ZMIZ1: variants seen among roughly 807,000 people sequenced by gnomAD.
ZMIZ1 encodes zinc finger MIZ-type containing 1.
Under a neutral mutation model 113.9 loss-of-function variants are expected in ZMIZ1, and 17 were observed. The ratio of observed to expected loss-of-function variants is 0.15; its 90% CI spans 0.10 to 0.22. ZMIZ1 has a LOEUF of 0.22. ZMIZ1 is among the 10% of genes least tolerant of loss of function. ZMIZ1 has a pLI of 1.00. For synonymous variants in ZMIZ1, 607 were observed against 603.1 expected (o/e 1.01, Z -0.09); for missense variants, 1,059 against 1,477.8 (o/e 0.72, Z 4.65).
intron 2 of ZMIZ1, among the ~76,000 whole-genome samples, chr10:79,120,394 G>A (rs1191285974): frequency 1.3e-5 from 2 of 152,166 alleles, no homozygotes; most frequent in African/African-American, 4.8e-5. Context: ...CACAACGCAG[G>A]GTGCATTCCA....
chr10:79,241,221 T>C (rs953334852), intron 7 of ZMIZ1, among the ~76,000 whole-genome samples: 1 of 152,218 alleles, frequency 6.6e-6, no homozygotes, highest in African/African-American at 2.4e-5. Flanking sequence ...AGCCATATTG[T>C]CCCACCACAT....
At chr10:79,207,327 A>G (rs1304550974) in intron 5 of ZMIZ1, among the ~76,000 whole-genome samples, 1 of 152,228 alleles carries the variant, frequency 6.6e-6, no homozygotes, top group Admixed American at 6.5e-5. Context: ...GTCCTTCAGG[A>G]GGACACAGTC....
intron 14 of ZMIZ1, 58 bp downstream of exon 14, chr10:79,297,748 T>G (rs1853999412): frequency 6.8e-7 from 1 of 1,478,526 alleles, no homozygotes; most frequent in Non-Finnish European, 9.4e-7. Context: ...CCTCTAAAGG[T>G]TCTCACTGTT....
chr10:79,125,989 C>A (rs60000259), intron 2 of ZMIZ1, among the ~76,000 whole-genome samples: 9,612 of 152,260 alleles, frequency 0.063, 410 homozygotes, highest in East Asian at 0.18. Context: ...GCAGGACTGA[C>A]CCTGAAGGGC....
chr10:79,298,731 C>A, intron 15 of ZMIZ1, 151 bp downstream of exon 15: 2 of 792,338 alleles, frequency 2.5e-6, no homozygotes, highest in Non-Finnish European at 3.8e-6. Flanking sequence ...ACACTCAAGG[C>A]GGGGTAGGCA....
chr10:79,070,714 G>A (rs904461454), intron 1 of ZMIZ1, among the ~76,000 whole-genome samples: 1 of 152,034 alleles, frequency 6.6e-6, no homozygotes, highest in South Asian at 2.1e-4. Flanking sequence ...TTGCCTGACC[G>A]GGGAGGCCTG....
At chr10:79,117,783 A>G (rs1221412347) in intron 1 of ZMIZ1, among the ~76,000 whole-genome samples, 1 of 152,174 alleles carries the variant, frequency 6.6e-6, no homozygotes, top group Non-Finnish European at 1.5e-5. Context: ...CTGGAGGTGC[A>G]TCTTGTGGAC....
intron 4 of ZMIZ1, among the ~76,000 whole-genome samples, chr10:79,175,594 G>GTGTGTGTGTGTGTGTGTA (rs1564699150): frequency 9.3e-6 from 1 of 107,580 alleles, no homozygotes; most frequent in African/African-American, 5.8e-5. Flanking sequence ...GTGTGTGTGT[G>GTGTGTGTGTGTGTGTGTA]TGTGTGTGTG....
intron 7 of ZMIZ1, among the ~76,000 whole-genome samples, chr10:79,269,484 C>CACACACACACAT (rs1554825462): frequency 6.7e-6 from 1 of 148,190 alleles, no homozygotes; most frequent in African/African-American, 2.6e-5. Context: ...CACACACACA[C>CACACACACACAT]ACACACTTTC....
intron 3 of ZMIZ1, among the ~76,000 whole-genome samples, chr10:79,157,368 G>GTTGT (rs1845939114): frequency 6.8e-6 from 1 of 147,604 alleles, no homozygotes. Flanking sequence ...AGGCATAAGG[G>GTTGT]GTGTGTGTGT....
chr10:79,254,060 A>C (rs1850724523), intron 7 of ZMIZ1, among the ~76,000 whole-genome samples: 1 of 152,230 alleles, frequency 6.6e-6, no homozygotes. Context: ...TATATACTTC[A>C]GAAACAAAGT....
intron 8 of ZMIZ1, among the ~76,000 whole-genome samples, chr10:79,280,743 C>T (rs1252128509): frequency 2.5e-5 from 3 of 118,128 alleles, no homozygotes; most frequent in Non-Finnish European, 3.7e-5. Context: ...TAAAAGTACC[C>T]TCCCACATTT....
chr10:79,182,432 T>G (rs750546642), intron 4 of ZMIZ1, among the ~76,000 whole-genome samples: 1 of 150,568 alleles, frequency 6.6e-6, no homozygotes, highest in African/African-American at 2.5e-5. Flanking sequence ...GAGAGCTCTG[T>G]GGGTGAGGTA....
chr10:79,253,182 G>C (rs1332075756), intron 7 of ZMIZ1, among the ~76,000 whole-genome samples: 1 of 152,218 alleles, frequency 6.6e-6, no homozygotes, highest in East Asian at 1.9e-4. Flanking sequence ...ATATAAGACA[G>C]AACATTTGCA....
At chr10:79,081,733 G>A (rs1408074931) in intron 1 of ZMIZ1, among the ~76,000 whole-genome samples, 3 of 152,236 alleles carry the variant, frequency 2.0e-5, no homozygotes, top group Non-Finnish European at 4.4e-5. Context: ...TGGGCTCTGT[G>A]CAAGGAGCGC....
chr10:79,223,156 C>T (rs376133214), intron 7 of ZMIZ1, among the ~76,000 whole-genome samples: 1 of 152,248 alleles, frequency 6.6e-6, no homozygotes, highest in East Asian at 1.9e-4. Context: ...GACAAATGGC[C>T]TTATTCAGGG....
chr10:79,070,121 G>T (rs891417079), intron 1 of ZMIZ1, among the ~76,000 whole-genome samples: 1 of 151,466 alleles, frequency 6.6e-6, no homozygotes, highest in Admixed American at 6.6e-5. Context: ...GGCGGAGGTT[G>T]GGGGGCCGGG....
chr10:79,314,289 C>T lies in ZMIZ1; in HGVS notation c.*1540C>T. 6.6e-6 allele frequency: 3 copies of T among 456,264 alleles called. No individual in the cohort carries two copies. The highest frequency in any genetic ancestry group is 1.3e-5 in the Non-Finnish European group (3 of 226,458). 28.3% of individuals were successfully genotyped at this position (456,264 alleles called of 1,614,324 possible). A position where few individuals can be genotyped will look rare whatever the true frequency, so the allele number is the denominator to read the frequency against. Reference sequence around the variant, plus strand: ...GGTTGTCCCGTCACTGGGGTCCCATCTGTAAATTCTTTGCGCCCTTCCCGG... The same window carrying T: ...GGTTGTCCCGTCACTGGGGTCCCATTTGTAAATTCTTTGCGCCCTTCCCGG... On this transcript the variant is annotated 3_prime_UTR_variant, in exon 25 of 25. Coordinates refer to ENST00000334512, the MANE Select transcript of ZMIZ1 (RefSeq NM_020338.4).
At chr10:79,104,976 TG>T in intron 1 of ZMIZ1, among the ~76,000 whole-genome samples, 1 of 151,712 alleles carries the variant, frequency 6.6e-6, no homozygotes, top group South Asian at 2.1e-4. Context: ...TGTGTGTGTG[TG>T]TGTGTGTGTG....
Sources: gnomAD v4.1 joint callset for allele counts (sites outside exome capture counted in the v4.1 genomes callset) on GRCh38, gnomAD v4.1.1 for gene constraint, MANE v1.5 for transcripts, NCBI Gene and HGNC (gene_info 2026-07-23, HGNC 2026-07-21) for gene names.